Variants in ZBTB40 observed in about 807,000 individuals in gnomAD.
The protein encoded by ZBTB40 is zinc finger and BTB domain containing 40, also known as zinc finger and BTB domain-containing protein 40.
A neutral mutation model predicts 117.5 loss-of-function variants in ZBTB40; 60 were observed. The ratio of observed to expected loss-of-function variants is 0.51; its 90% CI spans 0.41 to 0.63. The LOEUF (loss-of-function observed/expected upper bound fraction) is 0.63. Ranked by LOEUF, ZBTB40 falls within the 30% of genes least tolerant of loss-of-function variation. The pLI is 0.00. For synonymous variants in ZBTB40, 525 were observed against 577.1 expected, an observed-to-expected ratio of 0.91 and a Z score of 1.29; for missense variants, 1,287 against 1,498.5, an observed-to-expected ratio of 0.86 and a Z score of 2.33.
intron 1 of ZBTB40, among the ~76,000 whole-genome samples, chr1:22,439,363 A>AT (rs1006594962): frequency 6.6e-6 from 1 of 151,586 alleles, no homozygotes; most frequent in African/African-American, 2.4e-5. Flanking sequence ...CAATTTGTCC[A>AT]TTTTTTCTTT....
rs769349532 is a variant in ZBTB40 at position 22,513,168 on chromosome 1, C to A, written c.2668+38C>A. The A allele has an allele frequency of 1.9e-6, 3 of 1,599,880 alleles. No homozygotes were observed. The highest frequency in any genetic ancestry group is 1.7e-5 in the Admixed American group (1 of 58,094). On this transcript the variant is annotated intron_variant, in intron 12 of 17. Transcript: ENST00000375647. This position sits in a 1 kb window ranked among gnomAD's most constrained non-coding sequence, Gnocchi z 4.9. ...ACAGTTCATTTCTCCTGCAGACTTT[C>A]ACTGCGAACTGCCTAAACCCCATTT...
intron 1 of ZBTB40, among the ~76,000 whole-genome samples, chr1:22,433,818 A>C (rs1465029118): frequency 2.0e-5 from 3 of 152,014 alleles, no homozygotes; most frequent in South Asian, 2.1e-4. Flanking sequence ...TTAATTATTT[A>C]ATTAAACTGC....
chr1:22,472,964 A>T (rs1236910509), intron 1 of ZBTB40, among the ~76,000 whole-genome samples: 1 of 152,230 alleles, frequency 6.6e-6, no homozygotes, highest in East Asian at 1.9e-4. Context: ...CCTCCATGTC[A>T]TATGGATTTA....
chr1:22,447,058 GTGTC>G (rs762249941), upstream of ZBTB40, among the ~76,000 whole-genome samples: 94 of 151,158 alleles, frequency 6.2e-4, no homozygotes, highest in Non-Finnish European at 1.1e-3. Flanking sequence ...AGCCATGATA[GTGTC>G]ACTGCACTCC....
chr1:22,465,556 C>T (rs1380694123), intron 1 of ZBTB40, among the ~76,000 whole-genome samples: 1 of 152,182 alleles, frequency 6.6e-6, no homozygotes, highest in African/African-American at 2.4e-5. Flanking sequence ...CTGGGACCTG[C>T]CCCCTTCTAC....
chr1:22,464,693 G>A (rs183980015), intron 1 of ZBTB40, among the ~76,000 whole-genome samples: 58 of 152,190 alleles, frequency 3.8e-4, no homozygotes, highest in Admixed American at 2.0e-3. Context: ...ACCACTCTTA[G>A]CATTTTTCTG....
intron 10 of ZBTB40, 70 bp downstream of exon 10, chr1:22,511,417 G>A: frequency 6.3e-7 from 1 of 1,580,060 alleles, no homozygotes; most frequent in Non-Finnish European, 8.6e-7. Flanking sequence ...GAAAGAGACA[G>A]CATTTCATAT....
At chr1:22,460,403 A>G (rs1569775986) in intron 1 of ZBTB40, among the ~76,000 whole-genome samples, 1 of 152,212 alleles carries the variant, frequency 6.6e-6, no homozygotes. Context: ...ATTAAAATAT[A>G]ATAATTCATG....
intron 1 of ZBTB40, among the ~76,000 whole-genome samples, chr1:22,472,599 A>C (rs1569800573): frequency 6.6e-6 from 1 of 152,198 alleles, no homozygotes; most frequent in East Asian, 1.9e-4. Flanking sequence ...AGAGAAGTAG[A>C]GGTGTTTGAT....
At chr1:22,437,247 A>G (rs1028253135) in intron 1 of ZBTB40, among the ~76,000 whole-genome samples, 2 of 152,202 alleles carry the variant, frequency 1.3e-5, no homozygotes, top group African/African-American at 4.8e-5. Context: ...ATAAACCTCC[A>G]TGGAAACTAG....
Position 22,431,394 on chromosome 1 carries a change from A to G in ZBTB40, c.-70+2380A>G, listed in dbSNP as rs1378619565. ...TGTGTGTGTGTGTGTGTATATATAT[A>G]TATATATATATATATGTATATATAG... On this transcript the variant is annotated intron_variant, in intron 1 of 8. Coordinates refer to the ZBTB40 transcript ENST00000650433. 2.3e-3 allele frequency among the ~76,000 whole-genome samples: 320 copies of G among 136,912 alleles called. 4 individuals carry two copies. Among genetic ancestry groups the G allele is most frequent in the African/African-American group, 7.3e-3 (251 of 34,574 alleles). 89.8% of individuals were successfully genotyped at this position (136,912 alleles called of 152,430 possible). A position where few individuals can be genotyped will look rare whatever the true frequency, so the allele number is the denominator to read the frequency against.
chr1:22,431,124 C>T (rs1434220363), intron 1 of ZBTB40, among the ~76,000 whole-genome samples: 2 of 151,640 alleles, frequency 1.3e-5, no homozygotes, highest in African/African-American at 4.8e-5. Context: ...TCTCCAACTG[C>T]CATTGTAAAT....
At chr1:22,517,272 A>ACTC in intron 12 of ZBTB40, 28 bp from the exon 13 acceptor site, 2 of 1,613,138 alleles carry the variant, frequency 1.2e-6, no homozygotes, top group Non-Finnish European at 1.7e-6. Context: ...TTTAGTGCTG[A>ACTC]CTCTAATAAG....
In ZBTB40 at chr1:22,517,376, C is replaced by T; in HGVS notation, c.2745C>T (p.His915=). The part of the protein sequence containing the change: ...SIELSRHVRT[H]TGDKPYVCRD... ...AGCTGTCCCGCCACGTGAGGACCCA[C>T]ACCGGGGACAAGCCCTATGTCTGCA... is the stretch of plus-strand genomic sequence containing the variant. The change falls in exon 13 of 18, where the codon CAC becomes CAT. Residue 915 remains histidine (H), a synonymous_variant. Transcript: ENST00000375647. 6.2e-7 allele frequency: 1 copy of T among 1,614,212 alleles called. No individual in the cohort carries two copies.
At chr1:22,431,629 G>A (rs1640591431) in intron 1 of ZBTB40, among the ~76,000 whole-genome samples, 1 of 151,674 alleles carries the variant, frequency 6.6e-6, no homozygotes, top group Non-Finnish European at 1.5e-5. Flanking sequence ...CCAGCTACTC[G>A]GGAGGCTGAG....
intron 1 of ZBTB40, among the ~76,000 whole-genome samples, chr1:22,433,651 ACCC>A (rs1640631674): frequency 6.9e-6 from 1 of 144,360 alleles, no homozygotes; most frequent in South Asian, 2.4e-4. Context: ...TTCTAGGACT[ACCC>A]CTGTAGTCCT....
chr1:22,478,706 C>T (rs900300652), intron 1 of ZBTB40, among the ~76,000 whole-genome samples: 1 of 152,158 alleles, frequency 6.6e-6, no homozygotes, highest in Non-Finnish European at 1.5e-5. Flanking sequence ...TGTCATTATT[C>T]TACTTTGTTT....
chr1:22,514,513 G>T (rs1158459012), intron 12 of ZBTB40, among the ~76,000 whole-genome samples: 1 of 152,102 alleles, frequency 6.6e-6, no homozygotes, highest in African/African-American at 2.4e-5. Flanking sequence ...GCAGGCACCT[G>T]CTCCAGGACC....
rs1569908837 is a variant in ZBTB40, at chr1:22,530,785, G to A, written c.*4389G>A. 1 of 152,388 alleles carries A rather than the reference G, an allele frequency of 6.6e-6. No individual in the cohort carries two copies. Among genetic ancestry groups the A allele is most frequent in the East Asian group, 1.9e-4 (1 of 5,278 alleles). The allele number at this position is 152,388 out of a possible 1,614,324, so 9.4% of individuals were successfully genotyped here. A position where few individuals can be genotyped will look rare whatever the true frequency, so the allele number is the denominator to read the frequency against. On this transcript the variant is annotated 3_prime_UTR_variant, in exon 18 of 18. Transcript: ENST00000375647. ...TGTCAGACGGGGACAGGGGTGATAG[G>A]CCTGGTGTCCTAGGGGCCATTTGTG... is the stretch of plus-strand genomic sequence containing the variant.
Sources: allele counts gnomAD v4.1 joint callset (sites outside exome capture counted in the v4.1 genomes callset), GRCh38; gene constraint gnomAD v4.1.1; non-coding constraint Gnocchi (gnomAD v3.1); transcripts MANE v1.5; gene names NCBI Gene and HGNC (gene_info 2026-07-23, HGNC 2026-07-21).